Variants in STK33 observed in about 807,000 individuals in gnomAD.
The protein encoded by STK33 is serine/threonine kinase 33.
In STK33, 52 loss-of-function variants were observed where a neutral mutation model predicts 58.0. The ratio of observed to expected loss-of-function variants is 0.90; its 90% CI spans 0.72 to 1.13. The LOEUF (loss-of-function observed/expected upper bound fraction) is 1.13. Ranked by LOEUF, STK33 falls within the 50% of genes most tolerant of loss-of-function variation. The pLI is 0.00. For missense variants in STK33, 630 were observed against 604.2 expected (o/e 1.04, Z -0.45); for synonymous variants, 215 against 200.1 (o/e 1.07, Z -0.63).
chr11:8,411,919 G>A (rs1940315596), intron 15 of STK33, among the ~76,000 whole-genome samples: 1 of 152,162 alleles, frequency 6.6e-6, no homozygotes, highest in African/African-American at 2.4e-5. Flanking sequence ...TGATGTAGCT[G>A]AGAATCACAT....
chr11:8,527,465 G>C (rs920950792), intron 1 of STK33, among the ~76,000 whole-genome samples: 1 of 152,036 alleles, frequency 6.6e-6, no homozygotes, highest in Non-Finnish European at 1.5e-5. Flanking sequence ...TGTTTCACAA[G>C]AAGTGAGTTT....
intron 15 of STK33, among the ~76,000 whole-genome samples, chr11:8,408,465 G>C (rs1258591890): frequency 6.6e-6 from 1 of 152,184 alleles, no homozygotes; most frequent in Admixed American, 6.5e-5. Context: ...TCTTGTGTGG[G>C]AGTAGAAGTA....
At chr11:8,585,554 A>G (rs1293303733) in intron 1 of STK33, among the ~76,000 whole-genome samples, 1 of 151,974 alleles carries the variant, frequency 6.6e-6, no homozygotes, top group East Asian at 1.9e-4. Context: ...TAGCGTTAGA[A>G]GAAGAGCAAG....
the STK33 span, among the ~76,000 whole-genome samples, chr11:8,356,867 C>T: frequency 6.6e-6 from 1 of 152,178 alleles, no homozygotes; most frequent in South Asian, 2.1e-4. Flanking sequence ...CGCATGACCC[C>T]CAATGCCAGG....
rs1956528068 is a variant in STK33, at chr11:8,553,677, A to C, written c.-466+40406T>G. ...ATAGTCAACTGATGTTTTTTTTTACAAAGGTGCCAAGAACACACAATGGGA... is the reference window on the plus strand; with the variant it reads ...ATAGTCAACTGATGTTTTTTTTTACCAAGGTGCCAAGAACACACAATGGGA... On this transcript the variant is annotated intron_variant, in intron 1 of 15. Coordinates refer to ENST00000687296, the MANE Select transcript of STK33 (RefSeq NM_001352389.2). Among the ~76,000 whole-genome samples the C allele has an allele frequency of 2.0e-5, 3 of 152,142 alleles. No individual in the cohort carries two copies. The South Asian group carries it at 6.2e-4, about 32-fold the overall frequency.
intron 1 of STK33, among the ~76,000 whole-genome samples, chr11:8,541,774 A>T (rs1955538044): frequency 6.6e-6 from 1 of 152,180 alleles, no homozygotes; most frequent in African/African-American, 2.4e-5. Flanking sequence ...AAAGAGCAAA[A>T]TATCTGAAAA....
intron 1 of STK33, among the ~76,000 whole-genome samples, chr11:8,534,568 C>CTCTCTCTGTGTGTGTGTG (rs1402710450): frequency 9.6e-6 from 1 of 104,694 alleles, no homozygotes; most frequent in African/African-American, 4.1e-5. Context: ...CTCTCTCTCT[C>CTCTCTCTGTGTGTGTGTG]TGTGTGTGTG....
At chr11:8,558,271 T>C (rs1009342501) in intron 1 of STK33, among the ~76,000 whole-genome samples, 3 of 152,142 alleles carry the variant, frequency 2.0e-5, no homozygotes, top group Non-Finnish European at 4.4e-5. Flanking sequence ...CAAAGAGATA[T>C]AGTCAGTTTC....
At chr11:8,534,532 TTCTCTCTCTCTCTCTCTCTC>T (rs61429377) in intron 1 of STK33, among the ~76,000 whole-genome samples, 1 of 122,450 alleles carries the variant, frequency 8.2e-6, no homozygotes, top group Non-Finnish European at 1.7e-5. Flanking sequence ...GTATATATAT[TTCTCTCTCTCTCTCTCTCTC>T]TCTCTCTCTC....
chr11:8,445,898 A>G (rs893591690), intron 11 of STK33, among the ~76,000 whole-genome samples: 14 of 152,224 alleles, frequency 9.2e-5, no homozygotes, highest in African/African-American at 3.1e-4. Flanking sequence ...GCCTCATAAA[A>G]TGAGTTAGGG....
At chr11:8,457,311 G>C in intron 9 of STK33, 30 bp downstream of exon 9, 1 of 1,496,666 alleles carries the variant, frequency 6.7e-7, no homozygotes, top group Non-Finnish European at 9.1e-7. Context: ...GTATTCATGG[G>C]GTCAATGAGC....
the STK33 span, among the ~76,000 whole-genome samples, chr11:8,337,799 A>G: frequency 2.0e-5 from 3 of 151,816 alleles, no homozygotes; most frequent in African/African-American, 7.3e-5. Flanking sequence ...CATTTCAGGG[A>G]CTTCGCATTT....
At chr11:8,435,125 C>T (rs1385955285) in intron 14 of STK33, among the ~76,000 whole-genome samples, 1 of 152,184 alleles carries the variant, frequency 6.6e-6, no homozygotes, top group Non-Finnish European at 1.5e-5. Context: ...AGATTTTCTA[C>T]ACCCCAAGAG....
chr11:8,455,239 G>T (rs1346371802), intron 9 of STK33, among the ~76,000 whole-genome samples: 3 of 152,150 alleles, frequency 2.0e-5, no homozygotes, highest in African/African-American at 7.2e-5. Context: ...GTTACTGTCA[G>T]CATAAACATT....
the STK33 span, among the ~76,000 whole-genome samples, chr11:8,352,928 G>A: frequency 7.2e-5 from 11 of 152,304 alleles, no homozygotes; most frequent in African/African-American, 2.4e-4. Flanking sequence ...CAGAGGGAGC[G>A]GCAGCAGAAC....
chr11:8,384,682 T>C, the STK33 span, among the ~76,000 whole-genome samples: 2 of 152,172 alleles, frequency 1.3e-5, no homozygotes, highest in Admixed American at 1.3e-4. Context: ...CTGTCCTCCC[T>C]GTCTGCTTCG....
At chr11:8,374,537 G>A in the STK33 span, among the ~76,000 whole-genome samples, 1 of 152,214 alleles carries the variant, frequency 6.6e-6, no homozygotes, top group Non-Finnish European at 1.5e-5. Flanking sequence ...GAGAGACAGA[G>A]AGAGAGAAGG....
chr11:8,364,803 G>A, the STK33 span, among the ~76,000 whole-genome samples: 1 of 152,166 alleles, frequency 6.6e-6, no homozygotes, highest in Admixed American at 6.5e-5. Flanking sequence ...GATGGACGTA[G>A]GGGTTGTACC....
At chr11:8,541,211 T>C (rs566139250) in intron 1 of STK33, among the ~76,000 whole-genome samples, 141 of 152,296 alleles carry the variant, frequency 9.3e-4, no homozygotes, top group African/African-American at 3.3e-3. Context: ...TCAATGAACA[T>C]ATTATTTAAA....
Sources: gnomAD v4.1 joint callset for allele counts (sites outside exome capture counted in the v4.1 genomes callset) on GRCh38, gnomAD v4.1.1 for gene constraint, MANE v1.5 for transcripts, NCBI Gene and HGNC (gene_info 2026-07-23, HGNC 2026-07-21) for gene names.